KDM7A: variants seen among roughly 807,000 people sequenced by gnomAD.
KDM7A encodes the protein lysine demethylase 7A.
KDM7A carries 28 observed loss-of-function variants against 114.8 expected under a neutral mutation model. The observed-to-expected ratio is 0.24, with a 90% CI of 0.18 to 0.33. KDM7A has a LOEUF of 0.33. Among genes scored for constraint, KDM7A ranks in the 10% least tolerant of loss-of-function variants. KDM7A has a pLI of 1.00. For synonymous variants in KDM7A, 423 were observed against 397.8 expected (o/e 1.06, Z -0.75); for missense variants, 942 against 1,142.5 (o/e 0.82, Z 2.53).
At chr7:140,141,051 AT>A (rs1469337565) in intron 1 of KDM7A, among the ~76,000 whole-genome samples, 1 of 152,210 alleles carries the variant, frequency 6.6e-6, no homozygotes, top group Non-Finnish European at 1.5e-5. Context: ...GTACAACTGC[AT>A]AAAAATGTCA....
chr7:140,149,512 C>G (rs966430653), intron 1 of KDM7A, among the ~76,000 whole-genome samples: 10 of 152,096 alleles, frequency 6.6e-5, no homozygotes, highest in Non-Finnish European at 1.3e-4. Context: ...AAGAAGCTAA[C>G]TATATTTACT....
intron 19 of KDM7A, 127 bp from the exon 20 acceptor site, chr7:140,091,315 T>C (rs1433447496): frequency 2.9e-6 from 2 of 689,858 alleles, no homozygotes; most frequent in African/African-American, 3.6e-5. Context: ...GACAGAGTCA[T>C]ACTTCTGAAC....
At position 140,109,495 on chromosome 7, in the gene KDM7A, G is replaced by A. The variant is rs114837722; in HGVS notation, c.1428+1600C>T. 4.2e-3 allele frequency among the ~76,000 whole-genome samples: 646 copies of A among 152,280 alleles called. 7 individuals carry two copies. Among genetic ancestry groups the A allele is most frequent in the African/African-American group, 0.015 (623 of 41,560 alleles). ...TATTCACCTGCTGATGGACACCTGG[G>A]TTGCTTGGTCTATCTTTTGGCTATT... On this transcript the variant is annotated intron_variant, in intron 11 of 19. Transcript: ENST00000397560.
intron 1 of KDM7A, among the ~76,000 whole-genome samples, chr7:140,152,623 CAA>C (rs35127641): frequency 5.3e-4 from 68 of 128,906 alleles, no homozygotes; most frequent in Non-Finnish European, 4.8e-4. Context: ...GACTCCGTTT[CAA>C]AAAAAAAAAA....
At chr7:140,144,568 T>C (rs1316595959) in intron 1 of KDM7A, among the ~76,000 whole-genome samples, 2 of 151,834 alleles carry the variant, frequency 1.3e-5, no homozygotes, top group Non-Finnish European at 2.9e-5. Flanking sequence ...CTCAGCTGAG[T>C]ATGGAAAAAG....
chr7:140,150,534 A>G (rs1016836841), intron 1 of KDM7A, among the ~76,000 whole-genome samples: 1 of 152,220 alleles, frequency 6.6e-6, no homozygotes, highest in Non-Finnish European at 1.5e-5. Flanking sequence ...TAAAGCAACA[A>G]AAGCCAGGTG....
chr7:140,094,196 T>C lies in KDM7A; in HGVS notation c.2375-58A>G. On this transcript the variant is annotated intron_variant, in intron 17 of 19. Coordinates refer to ENST00000397560, the MANE Select transcript of KDM7A (RefSeq NM_030647.2). The stretch of plus-strand genomic sequence containing the variant: ...ACAAACTTGATTTGAAATGACAAAA[T>C]TAGCCTAATGCTTAAAAATGAAAGC... 2.9e-6 allele frequency: 3 copies of C among 1,045,940 alleles called. No homozygotes were observed. The South Asian group carries it at 3.8e-5, about 13-fold the overall frequency. The allele number at this position is 1,045,940 out of a possible 1,614,324, so 64.8% of individuals were successfully genotyped here. A position where few individuals can be genotyped will look rare whatever the true frequency, so the allele number is the denominator to read the frequency against.
At chr7:140,149,981 T>C (rs1794381664) in intron 1 of KDM7A, among the ~76,000 whole-genome samples, 1 of 152,164 alleles carries the variant, frequency 6.6e-6, no homozygotes, top group African/African-American at 2.4e-5. Flanking sequence ...AATATAGGTA[T>C]TAGAGTGAAA....
intron 10 of KDM7A, among the ~76,000 whole-genome samples, chr7:140,113,050 G>C (rs1818458181): frequency 6.6e-6 from 1 of 152,194 alleles, no homozygotes; most frequent in South Asian, 2.1e-4. Context: ...CAGTTCTCTT[G>C]GGCAAGTTAC....
chr7:140,131,067 C>T (rs1282403193), intron 3 of KDM7A, among the ~76,000 whole-genome samples: 1 of 151,788 alleles, frequency 6.6e-6, no homozygotes, highest in South Asian at 2.1e-4. Flanking sequence ...CAGGGTTTCA[C>T]CGTGTTAGCC....
At chr7:140,159,037 T>C (rs1363419796) in intron 1 of KDM7A, among the ~76,000 whole-genome samples, 1 of 152,204 alleles carries the variant, frequency 6.6e-6, no homozygotes, top group African/African-American at 2.4e-5. Context: ...TTTGTTTGTT[T>C]GTTTGTTTCT....
intron 1 of KDM7A, among the ~76,000 whole-genome samples, chr7:140,171,573 A>ATT (rs35182288): frequency 0.4 from 58,423 of 144,422 alleles, 12,096 homozygotes; most frequent in Middle Eastern, 0.45. Context: ...ATATATTTAT[A>ATT]TATATATATT....
chr7:140,134,358 C>G lies in KDM7A; in HGVS notation c.281-702G>C, dbSNP rs189312615. Among the ~76,000 whole-genome samples the G allele has an allele frequency of 1.2e-4, 18 of 152,210 alleles. No homozygotes were observed. In the East Asian group the frequency reaches 3.3e-3, roughly 28 times the overall value. On this transcript the variant is annotated intron_variant, in intron 2 of 19. Coordinates refer to ENST00000397560, the MANE Select transcript of KDM7A (RefSeq NM_030647.2). ...GCAATCTTGGGCAGGTCACTTAACA[C>G]CTATGGATCCAGATTCCTCAATGTA... is the stretch of plus-strand genomic sequence containing the variant.
At position 140,113,601 on chromosome 7, in the gene KDM7A, G is replaced by A. The variant is rs1026515939; in HGVS notation, c.1247-19C>T. On this transcript the variant is annotated intron_variant, in intron 9 of 19. Coordinates refer to ENST00000397560, the MANE Select transcript of KDM7A (RefSeq NM_030647.2). ...CTCAGTTCTGTAGGAATGGAAATGGGGTGAGAAAAAAAAATAGTTAAAATG... is the reference window on the plus strand; with the variant it reads ...CTCAGTTCTGTAGGAATGGAAATGGAGTGAGAAAAAAAAATAGTTAAAATG... 1.5e-6 allele frequency: 2 copies of A among 1,355,372 alleles called. No homozygotes were observed. Among genetic ancestry groups the A allele is most frequent in the African/African-American group, 2.9e-5 (2 of 68,494 alleles). 84.0% of individuals were successfully genotyped at this position (1,355,372 alleles called of 1,614,324 possible). A position where few individuals can be genotyped will look rare whatever the true frequency, so the allele number is the denominator to read the frequency against.
Position 140,176,713 on chromosome 7 carries a change from G to C in KDM7A, c.194+31C>G. ...GGCGGTTGGTCGGTGGCCGGCGGTGGCGGCTGCGGGGCTGGAGGGGGTTTA... is the reference window on the plus strand; with the variant it reads ...GGCGGTTGGTCGGTGGCCGGCGGTGCCGGCTGCGGGGCTGGAGGGGGTTTA... On this transcript the variant is annotated intron_variant, in intron 1 of 19. Coordinates refer to ENST00000397560, the MANE Select transcript of KDM7A (RefSeq NM_030647.2). The surrounding 1 kb of genome is among the most constrained non-coding windows in gnomAD (Gnocchi z 4.4). 8.2e-7 allele frequency: 1 copy of C among 1,218,944 alleles called. No individual in the cohort carries two copies. 75.5% of individuals were successfully genotyped at this position (1,218,944 alleles called of 1,614,324 possible).
At chr7:140,105,865 T>C (rs1310420473) in intron 11 of KDM7A, among the ~76,000 whole-genome samples, 1 of 152,238 alleles carries the variant, frequency 6.6e-6, no homozygotes, top group Non-Finnish European at 1.5e-5. Flanking sequence ...AAAGGAATGG[T>C]ACCAGCTCTT....
At chr7:140,174,324 T>C (rs939023677) in intron 1 of KDM7A, among the ~76,000 whole-genome samples, 7 of 152,198 alleles carry the variant, frequency 4.6e-5, no homozygotes, top group Non-Finnish European at 1.0e-4. Flanking sequence ...AAAAAACCTA[T>C]TTTAGACTCA....
In KDM7A at chr7:140,142,830, T is replaced by C. The variant is rs55746715; in HGVS notation, c.195-3640A>G. ...TACAAAACCGCTTATAGAATCATTA[T>C]TTGTGAAGTCTATAAATAGTAAAAT... On this transcript the variant is annotated intron_variant, in intron 1 of 19. Transcript: ENST00000397560. 8.3e-3 allele frequency among the ~76,000 whole-genome samples: 1,259 copies of C among 152,246 alleles called. 7 individuals carry two copies. The highest frequency in any genetic ancestry group is 0.011 in the Non-Finnish European group (780 of 68,004).
intron 1 of KDM7A, among the ~76,000 whole-genome samples, chr7:140,162,601 ATT>A (rs1794532907): frequency 6.6e-6 from 1 of 151,928 alleles, no homozygotes; most frequent in African/African-American, 2.4e-5. Flanking sequence ...AAATTTGTAT[ATT>A]TAAGCTCAAA....
Sources: gnomAD v4.1 joint callset for allele counts (sites outside exome capture counted in the v4.1 genomes callset) on GRCh38, gnomAD v4.1.1 for gene constraint, Gnocchi (gnomAD v3.1) non-coding constraint, MANE v1.5 for transcripts, NCBI Gene and HGNC (gene_info 2026-07-23, HGNC 2026-07-21) for gene names.